Variants in FRAS1 observed in about 807,000 individuals in gnomAD.
FRAS1 encodes Fraser extracellular matrix complex subunit 1, also known as extracellular matrix organizing protein FRAS1.
In FRAS1, 290 loss-of-function variants were observed where a neutral mutation model predicts 435.2. The observed-to-expected ratio is 0.67, with a 90% confidence interval of 0.61 to 0.73. FRAS1 has a LOEUF of 0.73. Among genes scored for constraint, FRAS1 ranks in the 30% least tolerant of loss-of-function variants. The pLI is 0.00. For missense variants in FRAS1, 4,860 were observed against 5,001.5 expected (o/e 0.97, Z 0.85); for synonymous variants, 1,800 against 1,851.0 (o/e 0.97, Z 0.71).
chr4:78,479,302 A>T lies in FRAS1; in HGVS notation c.8099-72A>T, dbSNP rs950711607. 20 of 1,051,950 alleles carry T rather than the reference A, an allele frequency of 1.9e-5. No individual in the cohort carries two copies. In the African/African-American group the frequency reaches 3.2e-4, roughly 17 times the overall value. The allele number at this position is 1,051,950 out of a possible 1,614,324, so 65.2% of individuals were successfully genotyped here. On this transcript the variant is annotated intron_variant, in intron 55 of 73. Transcript: ENST00000512123. ...CTGTTTGGGAGGGACCAAGCTCATT[A>T]ACTTACCAGAGGTTTTAAAATCTGA...
At position 78,372,766 on chromosome 4, in the gene FRAS1, G is replaced by C; in HGVS notation, c.2918G>C (p.Cys973Ser). 3 of 1,613,114 alleles carry C rather than the reference G, an allele frequency of 1.9e-6. No individual in the cohort carries two copies. The highest frequency in any genetic ancestry group is 2.5e-6 in the Non-Finnish European group (3 of 1,179,704). The change falls in exon 24 of 74, where the codon TGC becomes TCC. Residue 973 changes from cysteine (C) to serine (S), a missense_variant. Physicochemically the swap from Cys to Ser is moderately radical, Grantham distance 112. Coordinates refer to ENST00000512123, the MANE Select transcript of FRAS1 (RefSeq NM_025074.7). The stretch of plus-strand genomic sequence containing the variant: ...TGCAGTGGGCCCCTGAAAACAGACT[G>C]CCTGCAGTGCATGGATGGCTATGTT... Reference protein sequence around the residue: ...SACSGPLKTDCLQCMDGYVLQ... With the variant: ...SACSGPLKTDSLQCMDGYVLQ...
intron 9 of FRAS1, among the ~76,000 whole-genome samples, chr4:78,277,360 C>G (rs1294615964): frequency 6.6e-6 from 1 of 152,162 alleles, no homozygotes; most frequent in East Asian, 1.9e-4. Context: ...GAGATATACC[C>G]AGTACCTCAG....
At chr4:78,145,799 C>T (rs547765608) in intron 2 of FRAS1, among the ~76,000 whole-genome samples, 1 of 152,248 alleles carries the variant, frequency 6.6e-6, no homozygotes, top group East Asian at 1.9e-4. Flanking sequence ...TTGTGGGAAG[C>T]ACCCAGTGGG....
intron 2 of FRAS1, among the ~76,000 whole-genome samples, chr4:78,142,885 C>T (rs1167223952): frequency 2.6e-5 from 4 of 151,578 alleles, no homozygotes; most frequent in Admixed American, 6.6e-5. Flanking sequence ...GTGCAACTAA[C>T]AAGCAAATAG....
chr4:78,122,630 C>T (rs1157688434), intron 2 of FRAS1, among the ~76,000 whole-genome samples: 5 of 152,074 alleles, frequency 3.3e-5, no homozygotes, highest in Non-Finnish European at 7.4e-5. Flanking sequence ...ACAACCTCTC[C>T]AGCATCTGTT....
At chr4:78,459,186 T>C (rs115269437) in intron 47 of FRAS1, among the ~76,000 whole-genome samples, 1 of 152,228 alleles carries the variant, frequency 6.6e-6, no homozygotes, top group Non-Finnish European at 1.5e-5. Flanking sequence ...GAAATTCTAT[T>C]TACAGGCTGA....
chr4:78,490,458 C>G (rs1720313561), intron 59 of FRAS1, among the ~76,000 whole-genome samples: 1 of 152,192 alleles, frequency 6.6e-6, no homozygotes. Context: ...CAAACAGTCT[C>G]TCAGACCACA....
intron 20 of FRAS1, among the ~76,000 whole-genome samples, chr4:78,340,568 G>A (rs1048360221): frequency 6.6e-6 from 1 of 152,166 alleles, no homozygotes; most frequent in African/African-American, 2.4e-5. Flanking sequence ...GGGATATAAA[G>A]ACAAATCAAA....
In FRAS1 at chr4:78,126,888, C is replaced by T. The variant is rs80193820; in HGVS notation, c.108+60872C>T. On this transcript the variant is annotated intron_variant, in intron 2 of 73. Coordinates refer to ENST00000512123, the MANE Select transcript of FRAS1 (RefSeq NM_025074.7). Reference sequence around the variant, plus strand: ...AGTCAGTTTTTGTTCCAATTACAAGCAGATTAGTGGAACCTTGATGTGATA... The same window carrying T: ...AGTCAGTTTTTGTTCCAATTACAAGTAGATTAGTGGAACCTTGATGTGATA... 4.2e-4 allele frequency among the ~76,000 whole-genome samples: 64 copies of T among 152,252 alleles called. 1 individual carries two copies. The East Asian group carries it at 7.3e-3, about 17-fold the overall frequency.
At chr4:78,075,487 A>C (rs953930701) in intron 2 of FRAS1, among the ~76,000 whole-genome samples, 1 of 152,184 alleles carries the variant, frequency 6.6e-6, no homozygotes, top group Non-Finnish European at 1.5e-5. Flanking sequence ...CCAATACCCT[A>C]TAATCAGATA....
At position 78,485,731 on chromosome 4, in the gene FRAS1, A is replaced by G. The variant is rs188557841; in HGVS notation, c.8753-3144A>G. ...TTGAATAATTTGAGTAGGATTACAC[A>G]GAGAGAAAGTGATGAAGCTGGAATT... is the stretch of plus-strand genomic sequence containing the variant. On this transcript the variant is annotated intron_variant, in intron 58 of 73. Transcript: ENST00000512123. Among the ~76,000 whole-genome samples the G allele has an allele frequency of 4.9e-4, 75 of 152,344 alleles. No individual in the cohort carries two copies. The South Asian group carries it at 0.011, about 23-fold the overall frequency.
Position 78,508,965 on chromosome 4 carries a change from A to G in FRAS1, c.9739A>G (p.Thr3247Ala). 1 of 1,613,888 alleles carries G rather than the reference A, an allele frequency of 6.2e-7. No homozygotes were observed. Among genetic ancestry groups the G allele is most frequent in the Non-Finnish European group, 8.5e-7 (1 of 1,179,856 alleles). The change falls in exon 63 of 74, where the codon ACC (threonine) becomes GCC (alanine). Residue 3247 changes from threonine (T) to alanine (A), a missense_variant. Thr to Ala is a moderately conservative substitution (Grantham distance 58). Transcript: ENST00000512123. ...CAATGGGGCCCGGTCTCCCTTTGAA[A>G]CCATCACTGACAACACACCATTCAC... ...DGNGARSPFE[T>A]ITDNTPFTSV...
chr4:78,288,317 G>GAC (rs1276866311), intron 14 of FRAS1, among the ~76,000 whole-genome samples: 4 of 152,238 alleles, frequency 2.6e-5, no homozygotes, highest in African/African-American at 9.6e-5. Context: ...TAGTGCTCGT[G>GAC]ACAGATTTGC....
chr4:78,333,175 A>G (rs1240860365), intron 18 of FRAS1, 97 bp from the exon 19 acceptor site: 4 of 1,404,522 alleles, frequency 2.8e-6, no homozygotes, highest in Non-Finnish European at 3.8e-6. Flanking sequence ...TGTACAGAAC[A>G]TACTCTGACC....
rs1739546042 is a variant in FRAS1 at position 78,057,917 on chromosome 4, G to A, written c.-93G>A. 9.2e-6 allele frequency: 11 copies of A among 1,198,904 alleles called. No individual in the cohort carries two copies. The highest frequency in any genetic ancestry group is 1.2e-5 in the Non-Finnish European group (10 of 817,936). 74.3% of individuals were successfully genotyped at this position (1,198,904 alleles called of 1,614,324 possible). ...GCCCGCGGTCCCCCACCTTCAGTGCGCCCGGGTTCCAAGCGCCGGAGCCAG... is the reference window on the plus strand; with the variant it reads ...GCCCGCGGTCCCCCACCTTCAGTGCACCCGGGTTCCAAGCGCCGGAGCCAG... On this transcript the variant is annotated 5_prime_UTR_variant, in exon 1 of 74. Coordinates refer to ENST00000512123, the MANE Select transcript of FRAS1 (RefSeq NM_025074.7). This position sits in a 1 kb window ranked among gnomAD's most constrained non-coding sequence, Gnocchi z 4.2.
In FRAS1 at chr4:78,466,278, A is replaced by G; in HGVS notation, c.7100A>G (p.Gln2367Arg). ...HGTIERTSNG[Q>R]HFHLTSTFTM... The stretch of plus-strand genomic sequence containing the variant: ...ACCATCGAGCGAACCAGCAATGGGC[A>G]GCATTTCCACCTCACCTCCACCTTC... The change falls in exon 50 of 74, where the codon CAG (glutamine) becomes CGG (arginine). Residue 2367 changes from glutamine to arginine, a missense_variant. Coordinates refer to ENST00000512123, the MANE Select transcript of FRAS1 (RefSeq NM_025074.7). The G allele has an allele frequency of 6.2e-7, 1 of 1,613,908 alleles. No individual in the cohort carries two copies. The highest frequency in any genetic ancestry group is 8.5e-7 in the Non-Finnish European group (1 of 1,179,824).
At chr4:78,186,057 T>C (rs1722255245) in intron 2 of FRAS1, among the ~76,000 whole-genome samples, 2 of 152,232 alleles carry the variant, frequency 1.3e-5, no homozygotes, top group Non-Finnish European at 2.9e-5. Context: ...GTAAGACATA[T>C]AGCTGTTTGG....
intron 9 of FRAS1, among the ~76,000 whole-genome samples, chr4:78,275,273 G>A (rs1387656713): frequency 6.6e-6 from 1 of 152,132 alleles, no homozygotes; most frequent in Non-Finnish European, 1.5e-5. Flanking sequence ...TATCCAGTTT[G>A]CCAGTCTGTG....
chr4:78,375,360 CAAG>C (rs1229900213), intron 25 of FRAS1, among the ~76,000 whole-genome samples: 1 of 152,100 alleles, frequency 6.6e-6, no homozygotes, highest in Non-Finnish European at 1.5e-5. Context: ...ATTTTTAAGA[CAAG>C]AAATTTATGA....
Sources: allele counts gnomAD v4.1 joint callset (sites outside exome capture counted in the v4.1 genomes callset), GRCh38; gene constraint gnomAD v4.1.1; non-coding constraint Gnocchi (gnomAD v3.1); transcripts MANE v1.5; gene names NCBI Gene and HGNC (gene_info 2026-07-23, HGNC 2026-07-21).